The following FOXK2 variants were observed in gnomAD, a reference collection of about 807,000 sequenced individuals.
FOXK2 encodes forkhead box protein K2.
In FOXK2, 24 loss-of-function variants were observed where a neutral mutation model predicts 53.3. That is an observed-to-expected ratio of 0.45 (90% confidence interval 0.33 to 0.63). FOXK2 has a LOEUF of 0.63. Among genes scored for constraint, FOXK2 ranks in the 30% least tolerant of loss-of-function variants. The pLI is 0.03. For missense variants in FOXK2, 952 were observed against 910.5 expected (o/e 1.05, Z -0.59); for synonymous variants, 505 against 407.1 (o/e 1.24, Z -2.89).
At chr17:82,550,202 A>G (rs966719614) in intron 1 of FOXK2, among the ~76,000 whole-genome samples, 2 of 152,208 alleles carry the variant, frequency 1.3e-5, no homozygotes, top group African/African-American at 4.8e-5. Flanking sequence ...AAACAAACAC[A>G]CACACACACA....
intron 1 of FOXK2, among the ~76,000 whole-genome samples, chr17:82,532,609 C>G (rs993582354): frequency 6.6e-6 from 1 of 152,044 alleles, no homozygotes; most frequent in African/African-American, 2.4e-5. Context: ...TTTTCTGAGA[C>G]TACGTCTCAC....
intron 6 of FOXK2, among the ~76,000 whole-genome samples, chr17:82,584,746 A>G (rs1299668315): frequency 2.0e-5 from 3 of 152,084 alleles, no homozygotes; most frequent in South Asian, 2.1e-4. Flanking sequence ...GGGTTTCACC[A>G]TGTTGGCCAG....
rs906434921 is a variant in FOXK2 at position 82,602,762 on chromosome 17, C to T, written c.*1263C>T. 3.3e-5 allele frequency: 5 copies of T among 152,388 alleles called. No homozygotes were observed. The highest frequency in any genetic ancestry group is 7.2e-5 in the African/African-American group (3 of 41,594). The allele number at this position is 152,388 out of a possible 1,614,324, so 9.4% of individuals were successfully genotyped here. Reference sequence around the variant, plus strand: ...TGGGAGGTCCCTGCACCTCCTCGCCCGGCTCCTCAGGAAGAAAACCGCTGG... The same window carrying T: ...TGGGAGGTCCCTGCACCTCCTCGCCTGGCTCCTCAGGAAGAAAACCGCTGG... On this transcript the variant is annotated 3_prime_UTR_variant, in exon 9 of 9. Transcript: ENST00000335255.
At position 82,549,372 on chromosome 17, in the gene FOXK2, TACA is replaced by T. The variant is rs2044654920; in HGVS notation, c.420-13981_420-13979del. Reference sequence around the variant, plus strand: ...ATTATTCTCCTTATTACAGTTACAGTACAGCAAATGGGAGAGGGGGGCCAAACC... The same window carrying T: ...ATTATTCTCCTTATTACAGTTACAGTGCAAATGGGAGAGGGGGGCCAAACC... On this transcript the variant is annotated intron_variant, in intron 1 of 8. Coordinates refer to ENST00000335255, the MANE Select transcript of FOXK2 (RefSeq NM_004514.4). 2.0e-5 allele frequency among the ~76,000 whole-genome samples: 3 copies of T among 152,170 alleles called. No homozygotes were observed. In the East Asian group the frequency reaches 5.8e-4, roughly 29 times the overall value.
chr17:82,519,743 C>CCGCT lies in FOXK2; in HGVS notation c.-134_-131dup, dbSNP rs1222449862. ...CCGCGCGTGCTCCCGCCCCTCGCCG[C>CCGCT]CGCTCGCTCGCTCGCCGGCCGGCGG... On this transcript the variant is annotated 5_prime_UTR_variant, in exon 1 of 9. Coordinates refer to ENST00000335255, the MANE Select transcript of FOXK2 (RefSeq NM_004514.4). 762 of 179,282 alleles carry CCGCT rather than the reference C, an allele frequency of 4.3e-3. 5 individuals carry two copies. Among genetic ancestry groups the CCGCT allele is most frequent in the African/African-American group, 0.017 (713 of 41,528 alleles). The allele number at this position is 179,282 out of a possible 1,614,324, so 11.1% of individuals were successfully genotyped here.
intron 1 of FOXK2, among the ~76,000 whole-genome samples, chr17:82,529,841 C>G (rs141539523): frequency 6.6e-6 from 1 of 152,306 alleles, no homozygotes; most frequent in East Asian, 1.9e-4. Context: ...TCCCTTAAGG[C>G]AGTAGTAGCC....
chr17:82,557,344 T>A (rs114991646), intron 1 of FOXK2, among the ~76,000 whole-genome samples: 7,416 of 151,434 alleles, frequency 0.049, 206 homozygotes, highest in African/African-American at 0.073. Flanking sequence ...TTTTTATTTT[T>A]TATATATATA....
intron 3 of FOXK2, 62 bp downstream of exon 3, chr17:82,568,263 A>T: frequency 6.3e-7 from 1 of 1,584,592 alleles, no homozygotes; most frequent in Admixed American, 1.8e-5. Context: ...AGGGCCCTCA[A>T]TGTCACCTGC....
intron 8 of FOXK2, chr17:82,600,531 A>T (rs185545634): frequency 6.6e-6 from 1 of 152,376 alleles, no homozygotes; most frequent in East Asian, 1.9e-4. Context: ...TTTAAATGTT[A>T]ATTTCATCTA....
intron 8 of FOXK2, chr17:82,588,477 AGG>A (rs2045219522): frequency 6.1e-6 from 1 of 162,612 alleles, no homozygotes; most frequent in African/African-American, 2.4e-5. Flanking sequence ...TGGCGGTTGG[AGG>A]GCAGGCGGTT....
intron 4 of FOXK2, among the ~76,000 whole-genome samples, chr17:82,572,932 C>T (rs188785544): frequency 3.3e-5 from 5 of 152,204 alleles, no homozygotes; most frequent in Non-Finnish European, 5.9e-5. Flanking sequence ...TAACTCATGC[C>T]TATAATTCTA....
intron 1 of FOXK2, among the ~76,000 whole-genome samples, chr17:82,538,258 T>G (rs1244965658): frequency 6.7e-6 from 1 of 150,316 alleles, no homozygotes; most frequent in Non-Finnish European, 1.5e-5. Flanking sequence ...GGGTGGGAGG[T>G]GGGAGGATTG....
chr17:82,585,838 G>A, intron 6 of FOXK2, 66 bp from the exon 7 acceptor site: 1 of 1,518,678 alleles, frequency 6.6e-7, no homozygotes, highest in South Asian at 1.2e-5. Context: ...TCAGTGCTGA[G>A]TGTGAGAACC....
At chr17:82,522,983 T>C (rs551722469) in intron 1 of FOXK2, among the ~76,000 whole-genome samples, 2 of 151,018 alleles carry the variant, frequency 1.3e-5, no homozygotes, top group East Asian at 4.0e-4. Context: ...TTAGTAGAGA[T>C]GGGGTTTTAC....
chr17:82,594,495 C>CAAAA (rs67410458), intron 8 of FOXK2, among the ~76,000 whole-genome samples: 2 of 116,694 alleles, frequency 1.7e-5, no homozygotes, highest in Non-Finnish European at 3.6e-5. Flanking sequence ...GAGACTGTCT[C>CAAAA]AAAAAAAAAA....
At chr17:82,585,029 G>A (rs1567983793) in intron 6 of FOXK2, among the ~76,000 whole-genome samples, 1 of 152,250 alleles carries the variant, frequency 6.6e-6, no homozygotes, top group Non-Finnish European at 1.5e-5. Context: ...TGGCCCTGCC[G>A]GGCCAGAGAA....
chr17:82,581,810 A>G (rs938148867), intron 4 of FOXK2, among the ~76,000 whole-genome samples: 26 of 151,958 alleles, frequency 1.7e-4, no homozygotes, highest in African/African-American at 5.8e-4. Flanking sequence ...GGGTTTCACC[A>G]TGTTGGCCAG....
At chr17:82,559,622 T>TC (rs2044771813) in intron 1 of FOXK2, 1 of 399,716 alleles carries the variant, frequency 2.5e-6, no homozygotes, top group Admixed American at 2.7e-5. Context: ...AGGCTGGTCT[T>TC]CCTTGTTGTC....
chr17:82,604,543 T>C lies in FOXK2; in HGVS notation c.*3044T>C, dbSNP rs2045424973. The C allele has an allele frequency of 6.6e-6, 1 of 152,660 alleles. No homozygotes were observed. The highest frequency in any genetic ancestry group is 2.4e-5 in the African/African-American group (1 of 41,458). 9.5% of individuals were successfully genotyped at this position (152,660 alleles called of 1,614,324 possible). A position where few individuals can be genotyped will look rare whatever the true frequency, so the allele number is the denominator to read the frequency against. On this transcript the variant is annotated 3_prime_UTR_variant, in exon 9 of 9. Transcript: ENST00000335255. ...TAGTGGTGATTTGTGTGCAAAGATT[T>C]GAAGTTTTAAAAAAGTACCAAGTTC...
Sources: allele counts gnomAD v4.1 joint callset (sites outside exome capture counted in the v4.1 genomes callset), GRCh38; gene constraint gnomAD v4.1.1; transcripts MANE v1.5; gene names NCBI Gene and HGNC (gene_info 2026-07-23, HGNC 2026-07-21).